Variants in YTHDC2 observed in about 807,000 individuals in gnomAD.
The protein encoded by YTHDC2 is YTH N6-methyladenosine RNA binding protein C2.
Under a neutral mutation model 174.9 loss-of-function variants are expected in YTHDC2, and 45 were observed. The ratio of observed to expected loss-of-function variants is 0.26; its 90% CI spans 0.20 to 0.33. The LOEUF (loss-of-function observed/expected upper bound fraction) is 0.33, where lower values mean the gene tolerates loss of function less well. Among genes scored for constraint, YTHDC2 ranks in the 10% least tolerant of loss-of-function variants. The pLI is 1.00. For missense variants in YTHDC2, 1,650 were observed against 1,723.7 expected (o/e 0.96, Z 0.76); for synonymous variants, 657 against 574.5 (o/e 1.14, Z -2.05).
intron 27 of YTHDC2, 122 bp from the exon 28 acceptor site, chr5:113,591,874 C>T (rs950794850): frequency 2.7e-6 from 2 of 749,920 alleles, no homozygotes; most frequent in Admixed American, 4.1e-5. Context: ...TGTTAGGTAT[C>T]TGTTATTTCA....
At chr5:113,520,777 A>G (rs555008158) in intron 2 of YTHDC2, among the ~76,000 whole-genome samples, 8 of 152,128 alleles carry the variant, frequency 5.3e-5, no homozygotes, top group Non-Finnish European at 1.2e-4. Flanking sequence ...TTATTTTTCA[A>G]CTTTTGAGTT....
In YTHDC2 at chr5:113,555,988, A is replaced by G. The variant is rs1776579290; in HGVS notation, c.2134-64A>G. On this transcript the variant is annotated intron_variant, in intron 16 of 29. Coordinates refer to ENST00000161863, the MANE Select transcript of YTHDC2 (RefSeq NM_022828.5). ...TGGCATGTTAAAATATGTTGATAAC[A>G]TTCTTGCTATTACCTTTTAAATACC... 1.4e-5 allele frequency: 13 copies of G among 961,882 alleles called. No homozygotes were observed. In the South Asian group the frequency reaches 2.1e-4, roughly 15 times the overall value. The allele number at this position is 961,882 out of a possible 1,614,324, so 59.6% of individuals were successfully genotyped here.
chr5:113,549,739 T>C (rs1253229893), intron 12 of YTHDC2, among the ~76,000 whole-genome samples: 1 of 151,986 alleles, frequency 6.6e-6, no homozygotes, highest in East Asian at 1.9e-4. Context: ...ATTCTTTTTT[T>C]CTCCAGAAGC....
intron 23 of YTHDC2, among the ~76,000 whole-genome samples, chr5:113,570,308 G>C (rs980613608): frequency 3.3e-5 from 5 of 152,004 alleles, no homozygotes; most frequent in African/African-American, 1.2e-4. Flanking sequence ...TGTTGGGCAG[G>C]GTGATCTTGA....
intron 11 of YTHDC2, 96 bp downstream of exon 11, chr5:113,548,763 G>T: frequency 7.5e-7 from 1 of 1,332,304 alleles, no homozygotes. Flanking sequence ...AAAAACTATT[G>T]TGTAATAATT....
Position 113,592,031 on chromosome 5 carries a change from A to G in YTHDC2, c.4065A>G (p.Glu1355=). The change falls in exon 28 of 30, where the codon GAA becomes GAG. Residue 1355 remains glutamate (E), a synonymous_variant. Coordinates refer to ENST00000161863, the MANE Select transcript of YTHDC2 (RefSeq NM_022828.5). ...FSRMSSEIGR[E]KSQDWGSAGL... ...GGATGTCTTCTGAGATTGGAAGGGA[A>G]AAGAGTCAGGACTGGGGCTCTGCTG... 6.2e-7 allele frequency: 1 copy of G among 1,611,012 alleles called. No individual in the cohort carries two copies. The highest frequency in any genetic ancestry group is 8.5e-7 in the Non-Finnish European group (1 of 1,178,400).
In YTHDC2 at chr5:113,587,498, A is replaced by G. The variant is rs957490974; in HGVS notation, c.3825+3019A>G. Among the ~76,000 whole-genome samples the G allele has an allele frequency of 1.6e-4, 21 of 133,628 alleles. 6 individuals carry two copies. Among genetic ancestry groups the G allele is most frequent in the African/African-American group, 5.3e-4 (19 of 35,772 alleles). 87.7% of individuals were successfully genotyped at this position (133,628 alleles called of 152,430 possible). On this transcript the variant is annotated intron_variant, in intron 26 of 29. Transcript: ENST00000161863. ...TATATATTATGTATTCATATAATAT[A>G]TATAATGTATTTATATGTAATATAT...
intron 23 of YTHDC2, among the ~76,000 whole-genome samples, chr5:113,571,445 TG>T (rs1285421190): frequency 6.6e-6 from 1 of 152,208 alleles, no homozygotes; most frequent in Non-Finnish European, 1.5e-5. Context: ...TTTTCTTTTT[TG>T]TTGTATCTCT....
At chr5:113,556,023 C>A in intron 16 of YTHDC2, 29 bp from the exon 17 acceptor site, 2 of 1,377,360 alleles carry the variant, frequency 1.5e-6, no homozygotes, top group South Asian at 1.2e-5. Flanking sequence ...CTTTTATATT[C>A]TAACATAAAG....
intron 10 of YTHDC2, among the ~76,000 whole-genome samples, chr5:113,548,311 C>T (rs1776022369): frequency 6.6e-6 from 1 of 152,100 alleles, no homozygotes; most frequent in African/African-American, 2.4e-5. Flanking sequence ...CTTTCCTTCT[C>T]CTACCTTCCA....
intron 26 of YTHDC2, among the ~76,000 whole-genome samples, chr5:113,586,143 T>A (rs571633389): frequency 6.6e-6 from 1 of 152,202 alleles, no homozygotes; most frequent in East Asian, 1.9e-4. Flanking sequence ...AAGAGTTCCA[T>A]TTGCTCCATA....
At position 113,595,215 on chromosome 5, in the gene YTHDC2, ATG is replaced by A. The variant is rs1189529827; in HGVS notation, c.*1743_*1744del. The A allele has an allele frequency of 2.0e-5, 3 of 152,152 alleles. No individual in the cohort carries two copies. The highest frequency in any genetic ancestry group is 4.8e-5 in the African/African-American group (2 of 41,450). The allele number at this position is 152,152 out of a possible 1,614,324, so 9.4% of individuals were successfully genotyped here. ...GGTATTTAAAATGAATACAACTTGA[ATG>A]TAATTAAAGTGCTGTTTTTTGGAAG... On this transcript the variant is annotated 3_prime_UTR_variant, in exon 30 of 30. Coordinates refer to ENST00000161863, the MANE Select transcript of YTHDC2 (RefSeq NM_022828.5).
Position 113,567,306 on chromosome 5 carries a change from T to C in YTHDC2, c.3048+9T>C. 1 of 1,597,524 alleles carries C rather than the reference T, an allele frequency of 6.3e-7. No homozygotes were observed. Among genetic ancestry groups the C allele is most frequent in the East Asian group, 2.2e-5 (1 of 44,650 alleles). On this transcript the variant is annotated intron_variant, in intron 22 of 29. Coordinates refer to ENST00000161863, the MANE Select transcript of YTHDC2 (RefSeq NM_022828.5). Reference sequence around the variant, plus strand: ...AGCCTCAATATAAAAAGGTAAAAGATTTTGAATGCTGTTGGGTTTTGAGGT... The same window carrying C: ...AGCCTCAATATAAAAAGGTAAAAGACTTTGAATGCTGTTGGGTTTTGAGGT...
At chr5:113,559,009 C>G (rs1052397883) in intron 17 of YTHDC2, among the ~76,000 whole-genome samples, 8 of 150,994 alleles carry the variant, frequency 5.3e-5, no homozygotes, top group African/African-American at 2.0e-4. Flanking sequence ...AGATATAATA[C>G]AGATGGAAAT....
rs1419624724 is a variant in YTHDC2, at chr5:113,541,259, T to C, written c.1359+143T>C. On this transcript the variant is annotated intron_variant, in intron 9 of 29. Coordinates refer to ENST00000161863, the MANE Select transcript of YTHDC2 (RefSeq NM_022828.5). ...CAGGCTGGAGTGGAGTGGCGTGATC[T>C]CGGCTCACTGCAAGCTCCGCGTTCC... 6.7e-6 allele frequency: 6 copies of C among 900,834 alleles called. No homozygotes were observed. In the East Asian group the frequency reaches 1.6e-4, roughly 24 times the overall value. The allele number at this position is 900,834 out of a possible 1,614,324, so 55.8% of individuals were successfully genotyped here. A position where few individuals can be genotyped will look rare whatever the true frequency, so the allele number is the denominator to read the frequency against.
intron 17 of YTHDC2, among the ~76,000 whole-genome samples, chr5:113,559,813 G>A (rs988212558): frequency 6.6e-6 from 1 of 152,172 alleles, no homozygotes; most frequent in Non-Finnish European, 1.5e-5. Context: ...GATGAACCAT[G>A]GCTTTACCAG....
In YTHDC2 at chr5:113,563,998, C is replaced by T. The variant is rs755228888; in HGVS notation, c.2582C>T (p.Ala861Val). Reference protein sequence around the residue: ...LKCLDPILTIACTLAYRDPFV... With the variant: ...LKCLDPILTIVCTLAYRDPFV... Reference sequence around the variant, plus strand: ...TGTCTGGACCCCATCCTTACAATTGCTTGCACACTAGCTTATCGAGATCCT... The same window carrying T: ...TGTCTGGACCCCATCCTTACAATTGTTTGCACACTAGCTTATCGAGATCCT... The change falls in exon 20 of 30, where the codon GCT (alanine) becomes GTT (valine). Residue 861 changes from alanine to valine, a missense_variant. Around this residue, in one of 5 missense-constraint regions of YTHDC2, gnomAD observed 913 missense variants for 940.4 expected, o/e 0.97. Coordinates refer to ENST00000161863, the MANE Select transcript of YTHDC2 (RefSeq NM_022828.5). 6.2e-7 allele frequency: 1 copy of T among 1,614,104 alleles called. No homozygotes were observed. The highest frequency in any genetic ancestry group is 1.1e-5 in the South Asian group (1 of 91,076).
chr5:113,566,334 C>G (rs1417311139), intron 21 of YTHDC2, among the ~76,000 whole-genome samples: 6 of 151,828 alleles, frequency 4.0e-5, no homozygotes, highest in Non-Finnish European at 8.8e-5. Flanking sequence ...TCTTTTATCA[C>G]CATTAATGAA....
At chr5:113,543,028 T>C (rs1332629726) in intron 10 of YTHDC2, among the ~76,000 whole-genome samples, 1 of 152,216 alleles carries the variant, frequency 6.6e-6, no homozygotes, top group African/African-American at 2.4e-5. Flanking sequence ...CCTGTAAATA[T>C]GAAATCTCCT....
Sources: allele counts gnomAD v4.1 joint callset (sites outside exome capture counted in the v4.1 genomes callset), GRCh38; gene constraint gnomAD v4.1.1; regional missense constraint gnomAD v4.1.1; transcripts MANE v1.5; gene names NCBI Gene and HGNC (gene_info 2026-07-23, HGNC 2026-07-21).